ERI1: variants seen among roughly 807,000 people sequenced by gnomAD.
ERI1 encodes the protein exoribonuclease 1.
In ERI1, 39 loss-of-function variants were observed where a neutral mutation model predicts 39.7. The ratio of observed to expected loss-of-function variants is 0.98; its 90% CI spans 0.76 to 1.28. ERI1 has a LOEUF of 1.28. ERI1 is among the 50% of genes most tolerant of loss of function. The probability of loss-of-function intolerance (pLI) is 0.00; values close to 1 mark genes in which losing one functional copy is unlikely to be tolerated. For synonymous variants in ERI1, 204 were observed against 149.6 expected (o/e 1.36, Z -2.65); for missense variants, 581 against 416.9 (o/e 1.39, Z -3.43).
intron 1 of ERI1, among the ~76,000 whole-genome samples, chr8:9,004,741 C>A (rs112197442): frequency 2.0e-5 from 2 of 102,326 alleles, no homozygotes; most frequent in African/African-American, 3.8e-5. Flanking sequence ...GTCTGGAGTG[C>A]AATGGCATGG....
At chr8:9,007,105 T>G (rs942494526) in intron 1 of ERI1, among the ~76,000 whole-genome samples, 2 of 152,220 alleles carry the variant, frequency 1.3e-5, no homozygotes, top group African/African-American at 4.8e-5. Context: ...CTTTGGAACT[T>G]AACATATTAG....
chr8:9,033,666 G>A (rs1158084301), downstream of ERI1, among the ~76,000 whole-genome samples: 2 of 152,206 alleles, frequency 1.3e-5, no homozygotes, highest in Non-Finnish European at 2.9e-5. Context: ...GGCATTCTCT[G>A]CAGTTTACAG....
intron 3 of ERI1, among the ~76,000 whole-genome samples, chr8:9,040,170 AAG>A (rs1797970889): frequency 6.6e-6 from 1 of 152,216 alleles, no homozygotes; most frequent in South Asian, 2.1e-4. Flanking sequence ...GGCCTCCACC[AAG>A]AGTGATTTAT....
intron 5 of ERI1, among the ~76,000 whole-genome samples, chr8:9,019,403 G>C (rs1817647827): frequency 6.6e-6 from 1 of 152,182 alleles, no homozygotes; most frequent in Admixed American, 6.5e-5. Context: ...GACCTCTTTA[G>C]AAATCCATTA....
At chr8:9,092,608 G>A (rs975302298) in intron 3 of ERI1, among the ~76,000 whole-genome samples, 7 of 152,162 alleles carry the variant, frequency 4.6e-5, no homozygotes, top group Admixed American at 1.3e-4. Flanking sequence ...CAACCTCTTC[G>A]GATGCATGAC....
At chr8:9,010,655 A>G (rs1816569749) in intron 2 of ERI1, among the ~76,000 whole-genome samples, 1 of 152,142 alleles carries the variant, frequency 6.6e-6, no homozygotes, top group Non-Finnish European at 1.5e-5. Flanking sequence ...TTTTATTTTT[A>G]CTTCCATTTC....
chr8:9,004,647 G>C (rs1002725511), intron 1 of ERI1, among the ~76,000 whole-genome samples: 4 of 151,530 alleles, frequency 2.6e-5, no homozygotes, highest in African/African-American at 4.8e-5. Flanking sequence ...CTGGGTGACA[G>C]AGTGAGACCC....
intron 3 of ERI1, among the ~76,000 whole-genome samples, chr8:9,076,506 A>G (rs575145175): frequency 2.0e-4 from 30 of 152,334 alleles, no homozygotes; most frequent in Admixed American, 5.9e-4. Flanking sequence ...TGGGCCTTGA[A>G]CTTGACTTTC....
downstream of ERI1, among the ~76,000 whole-genome samples, chr8:9,033,915 A>T (rs545243767): frequency 3.3e-5 from 5 of 152,390 alleles, no homozygotes; most frequent in African/African-American, 1.2e-4. Flanking sequence ...GTTGCAAATC[A>T]GGAGGTAATT....
intron 6 of ERI1, among the ~76,000 whole-genome samples, chr8:9,028,945 C>T (rs545370573): frequency 8.7e-5 from 13 of 148,926 alleles, no homozygotes; most frequent in African/African-American, 2.7e-4. Flanking sequence ...AAAGTGGAGG[C>T]ACATATTGGA....
intron 3 of ERI1, among the ~76,000 whole-genome samples, chr8:9,090,719 G>A (rs1028508719): frequency 2.6e-5 from 4 of 152,090 alleles, no homozygotes; most frequent in African/African-American, 4.8e-5. Context: ...AAAGAAATAG[G>A]TGAAACAAGA....
At chr8:9,041,047 C>G (rs978772951) in intron 3 of ERI1, among the ~76,000 whole-genome samples, 4 of 152,204 alleles carry the variant, frequency 2.6e-5, no homozygotes, top group African/African-American at 9.7e-5. Flanking sequence ...CCCCCAGGCA[C>G]TTGCTCCGCT....
intron 6 of ERI1, among the ~76,000 whole-genome samples, chr8:9,028,932 T>G (rs548913424): frequency 6.6e-6 from 1 of 151,684 alleles, no homozygotes; most frequent in Non-Finnish European, 1.5e-5. Flanking sequence ...CCAATAATTC[T>G]TAAAAGTGGA....
intron 6 of ERI1, 27 bp downstream of exon 6, chr8:9,020,491 G>C: frequency 7.3e-7 from 1 of 1,366,680 alleles, no homozygotes; most frequent in Non-Finnish European, 1.0e-6. Context: ...TAATAATTAC[G>C]TGGTTCTTAA....
At position 9,069,590 on chromosome 8, in the gene ERI1, A is replaced by G. The variant is rs181279098; in HGVS notation, n.300-46758A>G. ...TTTGCTCAAGATGAGAGTATAGAAG[A>G]CAATGCTTTCACTCAAATAGCACTT... On this transcript the variant is annotated intron_variant and non_coding_transcript_variant, in intron 3 of 3. Transcript: ENST00000518663. Among the ~76,000 whole-genome samples the G allele has an allele frequency of 1.8e-3, 272 of 152,282 alleles. 3 individuals are homozygous for G. Among genetic ancestry groups the G allele is most frequent in the Middle Eastern group, 3.4e-3 (1 of 294 alleles).
At chr8:9,084,082 C>T (rs997920108) in intron 3 of ERI1, among the ~76,000 whole-genome samples, 19 of 152,134 alleles carry the variant, frequency 1.2e-4, no homozygotes, top group East Asian at 5.8e-4. Flanking sequence ...CGTGAGCCGC[C>T]GTGCCCAGCC....
intron 5 of ERI1, among the ~76,000 whole-genome samples, chr8:9,018,921 CTTTTTTTT>C (rs1817597125): frequency 6.6e-6 from 1 of 152,012 alleles, no homozygotes; most frequent in Non-Finnish European, 1.5e-5. Context: ...CGCCATTGAT[CTTTTTTTT>C]CCTTGAAACC....
chr8:9,012,292 A>G (rs979915367), intron 3 of ERI1, among the ~76,000 whole-genome samples: 3 of 152,212 alleles, frequency 2.0e-5, no homozygotes, highest in African/African-American at 7.2e-5. Flanking sequence ...CTGGTTTCTA[A>G]GCCAAATAAT....
At chr8:9,090,670 A>G (rs182061918) in intron 3 of ERI1, among the ~76,000 whole-genome samples, 31 of 152,360 alleles carry the variant, frequency 2.0e-4, no homozygotes, top group Admixed American at 1.1e-3. Flanking sequence ...CCTCCTCTAT[A>G]GATAAAACTA....
Sources: allele counts gnomAD v4.1 joint callset (sites outside exome capture counted in the v4.1 genomes callset), GRCh38; gene constraint gnomAD v4.1.1; transcripts MANE v1.5; gene names NCBI Gene and HGNC (gene_info 2026-07-23, HGNC 2026-07-21).